ST6GALNAC3: variants seen among roughly 807,000 people sequenced by gnomAD.
The protein encoded by ST6GALNAC3 is ST6 N-acetylgalactosaminide alpha-2,6-sialyltransferase 3.
In ST6GALNAC3, 25 loss-of-function variants were observed where a neutral mutation model predicts 32.7. That is an observed-to-expected ratio of 0.76 (90% CI 0.56 to 1.07). The LOEUF (loss-of-function observed/expected upper bound fraction) is 1.07. ST6GALNAC3 is among the 50% of genes least tolerant of loss of function. ST6GALNAC3 has a pLI of 0.00. For synonymous variants in ST6GALNAC3, 129 were observed against 133.1 expected (o/e 0.97, Z 0.21); for missense variants, 355 against 382.4 (o/e 0.93, Z 0.60).
intron 3 of ST6GALNAC3, among the ~76,000 whole-genome samples, chr1:76,447,881 C>A (rs924969455): frequency 1.3e-5 from 2 of 152,148 alleles, no homozygotes; most frequent in Non-Finnish European, 2.9e-5. Context: ...GGGTGGAGAA[C>A]CTGTGCTAGT....
chr1:76,468,045 T>G (rs1658760810), intron 3 of ST6GALNAC3, among the ~76,000 whole-genome samples: 2 of 151,836 alleles, frequency 1.3e-5, no homozygotes, highest in Admixed American at 1.3e-4. Context: ...ATTTTTTTTT[T>G]GCTAAAATTA....
chr1:76,536,787 C>T (rs1663635844), intron 3 of ST6GALNAC3, among the ~76,000 whole-genome samples: 1 of 151,096 alleles, frequency 6.6e-6, no homozygotes, highest in African/African-American at 2.4e-5. Context: ...GAAGAGCTAA[C>T]TATTCTAAAT....
intron 2 of ST6GALNAC3, among the ~76,000 whole-genome samples, chr1:76,402,620 A>T (rs1357953118): frequency 6.6e-6 from 1 of 152,172 alleles, no homozygotes; most frequent in Non-Finnish European, 1.5e-5. Context: ...ATTCTAGCTG[A>T]AACATCATTT....
chr1:76,516,146 C>T (rs1380393269), intron 3 of ST6GALNAC3, among the ~76,000 whole-genome samples: 1 of 152,208 alleles, frequency 6.6e-6, no homozygotes, highest in African/African-American at 2.4e-5. Context: ...CAGTGCCTTT[C>T]TCCAGTAATG....
intron 2 of ST6GALNAC3, among the ~76,000 whole-genome samples, chr1:76,348,589 T>C (rs1408154339): frequency 1.3e-5 from 2 of 152,206 alleles, no homozygotes; most frequent in African/African-American, 2.4e-5. Context: ...CCAACTTTTT[T>C]TCTTTCCTGA....
At chr1:76,190,714 T>A (rs1310868830) in intron 1 of ST6GALNAC3, among the ~76,000 whole-genome samples, 1 of 152,182 alleles carries the variant, frequency 6.6e-6, no homozygotes, top group African/African-American at 2.4e-5. Flanking sequence ...CTCATCATTG[T>A]AAGGTAAAGC....
At chr1:76,170,289 C>T (rs1442683740) in intron 1 of ST6GALNAC3, among the ~76,000 whole-genome samples, 3 of 152,130 alleles carry the variant, frequency 2.0e-5, no homozygotes, top group Non-Finnish European at 4.4e-5. Flanking sequence ...TGGGTGTTCA[C>T]CACAGTGGCA....
intron 1 of ST6GALNAC3, among the ~76,000 whole-genome samples, chr1:76,211,842 G>A (rs1226833498): frequency 6.6e-6 from 1 of 152,062 alleles, no homozygotes; most frequent in African/African-American, 2.4e-5. Flanking sequence ...GTTAAATGAT[G>A]AGTTAATGGG....
intron 3 of ST6GALNAC3, among the ~76,000 whole-genome samples, chr1:76,444,695 G>A (rs540535876): frequency 6.6e-6 from 1 of 152,266 alleles, no homozygotes; most frequent in East Asian, 1.9e-4. Flanking sequence ...TTCCATAGTT[G>A]CTTCTTCTCT....
intron 1 of ST6GALNAC3, among the ~76,000 whole-genome samples, chr1:76,217,716 G>A (rs1022273148): frequency 2.6e-5 from 4 of 151,998 alleles, no homozygotes; most frequent in Admixed American, 1.3e-4. Context: ...TCATTCTTAC[G>A]CCTTTGCGTC....
At chr1:76,594,785 T>C (rs1228466026) in intron 3 of ST6GALNAC3, among the ~76,000 whole-genome samples, 3 of 152,206 alleles carry the variant, frequency 2.0e-5, no homozygotes, top group Admixed American at 6.5e-5. Context: ...TGATTTTATT[T>C]ATGTGACCAC....
intron 1 of ST6GALNAC3, among the ~76,000 whole-genome samples, chr1:76,094,882 C>T (rs891927408): frequency 6.6e-6 from 1 of 151,984 alleles, no homozygotes; most frequent in African/African-American, 2.4e-5. Flanking sequence ...CCCCACCCCC[C>T]ACCGTTCCTT....
intron 1 of ST6GALNAC3, among the ~76,000 whole-genome samples, chr1:76,271,701 C>A (rs1405229609): frequency 1.3e-5 from 2 of 152,150 alleles, no homozygotes; most frequent in South Asian, 2.1e-4. Flanking sequence ...ACAGTGACAA[C>A]TTTATTTATG....
chr1:76,277,260 G>A (rs1659182631), intron 1 of ST6GALNAC3, among the ~76,000 whole-genome samples: 1 of 151,862 alleles, frequency 6.6e-6, no homozygotes, highest in African/African-American at 2.4e-5. Flanking sequence ...CTATGTGTGT[G>A]TGTGTATTTA....
chr1:76,449,516 G>A (rs927443965), intron 3 of ST6GALNAC3, among the ~76,000 whole-genome samples: 3 of 152,192 alleles, frequency 2.0e-5, no homozygotes, highest in Admixed American at 2.0e-4. Flanking sequence ...GTATAAGTTT[G>A]CATCCCTACC....
At chr1:76,419,944 CTTT>C (rs66531652) in intron 3 of ST6GALNAC3, among the ~76,000 whole-genome samples, 2 of 138,794 alleles carry the variant, frequency 1.4e-5, no homozygotes, top group Non-Finnish European at 1.6e-5. Context: ...TTCTTTCTTT[CTTT>C]TTTTTTTTTT....
chr1:76,497,318 GC>G (rs1180037538), intron 3 of ST6GALNAC3, among the ~76,000 whole-genome samples: 1 of 152,158 alleles, frequency 6.6e-6, no homozygotes, highest in African/African-American at 2.4e-5. Flanking sequence ...GTCTTGGGGA[GC>G]CTTCCCAATC....
intron 3 of ST6GALNAC3, among the ~76,000 whole-genome samples, chr1:76,434,556 A>G (rs1418473144): frequency 2.0e-5 from 3 of 152,214 alleles, no homozygotes; most frequent in Non-Finnish European, 4.4e-5. Context: ...ATATTAACAA[A>G]TAAATACAAA....
chr1:76,576,755 AG>A (rs1265928599), intron 3 of ST6GALNAC3: 1 of 1,023,790 alleles, frequency 9.8e-7, no homozygotes, highest in Non-Finnish European at 1.4e-6. Context: ...AGTAGGTATA[AG>A]GAATGAGGGG....
Sources: allele counts gnomAD v4.1 joint callset (sites outside exome capture counted in the v4.1 genomes callset), GRCh38; gene constraint gnomAD v4.1.1; transcripts MANE v1.5; gene names NCBI Gene and HGNC (gene_info 2026-07-23, HGNC 2026-07-21).